NXPE3: variants seen among roughly 807,000 people sequenced by gnomAD.
The protein encoded by NXPE3 is neurexophilin and PC-esterase domain family member 3.
A neutral mutation model predicts 46.1 loss-of-function variants in NXPE3; 26 were observed. That is an observed-to-expected ratio of 0.56 (90% CI 0.41 to 0.78). The LOEUF is 0.78. Among genes scored for constraint, NXPE3 ranks in the 30% least tolerant of loss-of-function variants. NXPE3 has a pLI of 0.00. For missense variants in NXPE3, 620 were observed against 686.0 expected, an observed-to-expected ratio of 0.90 and a Z score of 1.07; for synonymous variants, 272 against 257.9, an observed-to-expected ratio of 1.05 and a Z score of -0.52.
At chr3:101,815,679 C>A (rs1196782005) in intron 6 of NXPE3, among the ~76,000 whole-genome samples, 4 of 151,794 alleles carry the variant, frequency 2.6e-5, no homozygotes, top group Non-Finnish European at 4.4e-5. Context: ...GCCTGGCCAA[C>A]ATAGTGAAAC....
Position 101,822,021 on chromosome 3 carries a change from G to T in NXPE3, c.*67G>T. On this transcript the variant is annotated 3_prime_UTR_variant, in exon 8 of 8. Coordinates refer to ENST00000273347, the MANE Select transcript of NXPE3 (RefSeq NM_145037.4). ...TCTCAATTGACCTGAGTTACAGAAA[G>T]TGGCCCCAGTGAGAGATGACTGCCC... is the stretch of plus-strand genomic sequence containing the variant. 6.9e-7 allele frequency: 1 copy of T among 1,451,580 alleles called. No homozygotes were observed. The allele number at this position is 1,451,580 out of a possible 1,614,324, so 89.9% of individuals were successfully genotyped here. A position where few individuals can be genotyped will look rare whatever the true frequency, so the allele number is the denominator to read the frequency against.
chr3:101,788,189 C>T (rs1347315321), intron 4 of NXPE3, among the ~76,000 whole-genome samples: 3 of 152,052 alleles, frequency 2.0e-5, no homozygotes, highest in Non-Finnish European at 4.4e-5. Flanking sequence ...GGATAAATAT[C>T]CAATTCCGGT....
chr3:101,799,465 C>T (rs1039282714), intron 4 of NXPE3, among the ~76,000 whole-genome samples: 8 of 152,030 alleles, frequency 5.3e-5, no homozygotes, highest in East Asian at 3.9e-4. Flanking sequence ...CTCATTCTGT[C>T]GCCCAGCCTG....
chr3:101,779,926 C>G (rs1380374191), intron 1 of NXPE3: 1 of 152,350 alleles, frequency 6.6e-6, no homozygotes, highest in Non-Finnish European at 1.5e-5. Flanking sequence ...ACGAGTGTAA[C>G]TTTACAAGGT....
At chr3:101,809,415 A>C (rs9856938) in intron 6 of NXPE3, among the ~76,000 whole-genome samples, 16 of 152,210 alleles carry the variant, frequency 1.1e-4, no homozygotes, top group African/African-American at 3.6e-4. Flanking sequence ...TCAAGGGCTC[A>C]TAATTTTTTT....
rs1576797182 is a variant in NXPE3, at chr3:101,825,162, A to T, written c.*3208A>T. On this transcript the variant is annotated 3_prime_UTR_variant, in exon 8 of 8. Coordinates refer to ENST00000273347, the MANE Select transcript of NXPE3 (RefSeq NM_145037.4). ...GATCCTCTCCCTCCTCCTACCCTCC[A>T]CCCTCCAATAGACCCCAGTGTGTGT... The T allele has an allele frequency of 6.6e-6, 1 of 151,562 alleles. No homozygotes were observed. Among genetic ancestry groups the T allele is most frequent in the Non-Finnish European group, 1.5e-5 (1 of 67,896 alleles). The allele number at this position is 151,562 out of a possible 1,614,324, so 9.4% of individuals were successfully genotyped here.
intron 6 of NXPE3, among the ~76,000 whole-genome samples, chr3:101,813,589 TA>T (rs75799624): frequency 0.12 from 18,224 of 152,216 alleles, 1,409 homozygotes; most frequent in Middle Eastern, 0.21. Context: ...TACTTTCAAA[TA>T]ATAAAAAATA....
chr3:101,787,051 C>T (rs898253672), intron 4 of NXPE3, among the ~76,000 whole-genome samples: 10 of 151,874 alleles, frequency 6.6e-5, no homozygotes, highest in African/African-American at 2.2e-4. Flanking sequence ...GGTGAAACCC[C>T]GTCTCTACTG....
chr3:101,790,535 A>C (rs1940449777), intron 4 of NXPE3, among the ~76,000 whole-genome samples: 1 of 152,168 alleles, frequency 6.6e-6, no homozygotes, highest in Non-Finnish European at 1.5e-5. Flanking sequence ...GATATTATAT[A>C]ACCACTCTAG....
At chr3:101,804,235 GA>G (rs1941304461) in intron 5 of NXPE3, among the ~76,000 whole-genome samples, 1 of 152,214 alleles carries the variant, frequency 6.6e-6, no homozygotes, top group African/African-American at 2.4e-5. Context: ...GTGGAAAATA[GA>G]GAAAGTTTAG....
At chr3:101,818,745 ATATATATATTTTTTTTTTTTTTTT>A (rs1247478040) in intron 7 of NXPE3, among the ~76,000 whole-genome samples, 2 of 21,688 alleles carry the variant, frequency 9.2e-5, no homozygotes, top group African/African-American at 3.4e-4. Flanking sequence ...ATATATATAT[ATATATATATTTTTTTTTTTTTTTT>A]TTTTTTTTTT....
At position 101,826,586 on chromosome 3, in the gene NXPE3, G is replaced by A. The variant is rs999579541; in HGVS notation, c.*4632G>A. ...GACCACAGCCCCTGAGTGCTAAGGG[G>A]ACCTGGGAATCCTAGGGGAATGGAG... On this transcript the variant is annotated 3_prime_UTR_variant, in exon 8 of 8. Coordinates refer to ENST00000273347, the MANE Select transcript of NXPE3 (RefSeq NM_145037.4). 4 of 152,160 alleles carry A rather than the reference G, an allele frequency of 2.6e-5. No homozygotes were observed. Among genetic ancestry groups the A allele is most frequent in the African/African-American group, 9.7e-5 (4 of 41,426 alleles). The allele number at this position is 152,160 out of a possible 1,614,324, so 9.4% of individuals were successfully genotyped here.
Position 101,801,416 on chromosome 3 carries a change from TGGG to T in NXPE3, c.276_278del (p.Gly93del), listed in dbSNP as rs925726096. On this transcript the variant is annotated inframe_deletion, in exon 5 of 8. Transcript: ENST00000273347. Reference sequence around the variant, plus strand: ...GCCTTGCACCGGCAGGTTCCTGATGTGGGCCCAGTCCCCTTTGTGAAGAGCACT... The same window carrying T: ...GCCTTGCACCGGCAGGTTCCTGATGTCCCAGTCCCCTTTGTGAAGAGCACT... 1 of 1,614,076 alleles carries T rather than the reference TGGG, an allele frequency of 6.2e-7. No individual in the cohort carries two copies. Among genetic ancestry groups the T allele is most frequent in the African/African-American group, 1.3e-5 (1 of 74,914 alleles).
At chr3:101,796,975 G>T (rs1192907209) in intron 4 of NXPE3, among the ~76,000 whole-genome samples, 1 of 152,064 alleles carries the variant, frequency 6.6e-6, no homozygotes, top group Non-Finnish European at 1.5e-5. Flanking sequence ...TTATTCCCCT[G>T]CAGTTTAACC....
At position 101,821,667 on chromosome 3, in the gene NXPE3, C is replaced by T. The variant is rs774098111; in HGVS notation, c.1393C>T (p.Arg465Ter). 15 of 1,614,080 alleles carry T rather than the reference C, an allele frequency of 9.3e-6. No homozygotes were observed. The highest frequency in any genetic ancestry group is 2.2e-5 in the East Asian group (1 of 44,896). The change falls in exon 8 of 8, where the codon CGA becomes TGA. Residue 465 changes from arginine to a stop codon, truncating the protein, a stop_gained. Coordinates refer to ENST00000273347, the MANE Select transcript of NXPE3 (RefSeq NM_145037.4). LOFTEE classifies it high-confidence loss of function. ...CATCCGGCGGCTCAGGAACATCCGT[C>T]GAGCAGTGGTTCGGCTCCTCGATCG... ...VYIRRLRNIRRAVVRLLDRSP... is the reference protein window; with the variant it reads ...VYIRRLRNIR
rs1346830362 is a variant in NXPE3, at chr3:101,824,810, A to G, written c.*2856A>G. 2 of 152,060 alleles carry G rather than the reference A, an allele frequency of 1.3e-5. No individual in the cohort carries two copies. Among genetic ancestry groups the G allele is most frequent in the Non-Finnish European group, 1.5e-5 (1 of 68,018 alleles). The allele number at this position is 152,060 out of a possible 1,614,324, so 9.4% of individuals were successfully genotyped here. A position where few individuals can be genotyped will look rare whatever the true frequency, so the allele number is the denominator to read the frequency against. On this transcript the variant is annotated 3_prime_UTR_variant, in exon 8 of 8. Transcript: ENST00000273347. ...GATTTATAAAGGAGGCTGAGGAGTAATTTTCCCAGGAGAATTTTAAAAAGA... is the reference window on the plus strand; with the variant it reads ...GATTTATAAAGGAGGCTGAGGAGTAGTTTTCCCAGGAGAATTTTAAAAAGA...
chr3:101,781,632 A>G (rs1028024219), intron 1 of NXPE3: 2 of 152,210 alleles, frequency 1.3e-5, no homozygotes, highest in Non-Finnish European at 2.9e-5. Flanking sequence ...TTCTTTGCAC[A>G]TATTATAAAA....
chr3:101,810,301 G>C (rs914130225), intron 6 of NXPE3, among the ~76,000 whole-genome samples: 3 of 152,092 alleles, frequency 2.0e-5, no homozygotes, highest in Admixed American at 2.0e-4. Context: ...TATTTTTTGG[G>C]GGAACTTACT....
Position 101,821,936 on chromosome 3 carries a change from G to A in NXPE3, c.1662G>A (p.Val554=). The part of the protein sequence containing the change: ...KNQLDMFLSF[V]CPLET ...AGCTGGACATGTTCTTGTCCTTTGT[G>A]TGCCCCTTGGAAACCTAGCCTGTCT... is the stretch of plus-strand genomic sequence containing the variant. Residue 554 remains valine, a synonymous_variant, in exon 8 of 8, where the codon GTG becomes GTA. Coordinates refer to ENST00000273347, the MANE Select transcript of NXPE3 (RefSeq NM_145037.4). 1 of 1,613,206 alleles carries A rather than the reference G, an allele frequency of 6.2e-7. No individual in the cohort carries two copies. The highest frequency in any genetic ancestry group is 8.5e-7 in the Non-Finnish European group (1 of 1,179,220).
Sources: allele counts gnomAD v4.1 joint callset (sites outside exome capture counted in the v4.1 genomes callset), GRCh38; gene constraint gnomAD v4.1.1; transcripts MANE v1.5; gene names NCBI Gene and HGNC (gene_info 2026-07-23, HGNC 2026-07-21).